Variants in ABRAXAS1 observed in about 807,000 individuals in gnomAD.
ABRAXAS1 encodes the protein BRCA1-A complex subunit Abraxas 1.
A neutral mutation model predicts 38.4 loss-of-function variants in ABRAXAS1; 26 were observed. The observed-to-expected ratio is 0.68, with a 90% CI of 0.50 to 0.94. The LOEUF is 0.94. Among genes scored for constraint, ABRAXAS1 ranks in the 40% least tolerant of loss-of-function variants. ABRAXAS1 has a pLI of 0.00. For synonymous variants in ABRAXAS1, 144 were observed against 165.5 expected (o/e 0.87, Z 1.00); for missense variants, 438 against 481.9 (o/e 0.91, Z 0.85).
chr4:83,477,084 GA>G (rs1211881373), intron 2 of ABRAXAS1, among the ~76,000 whole-genome samples: 4 of 152,210 alleles, frequency 2.6e-5, no homozygotes, highest in South Asian at 4.1e-4. Flanking sequence ...TTAAAATGAT[GA>G]AAATCTCCTT....
chr4:83,473,512 T>C (rs1202404253), intron 3 of ABRAXAS1, among the ~76,000 whole-genome samples: 1 of 152,012 alleles, frequency 6.6e-6, no homozygotes, highest in African/African-American at 2.4e-5. Context: ...GGGGGTGGCA[T>C]TTTATGTAGA....
rs199567861 is a variant in ABRAXAS1, at chr4:83,470,185, T to A, written c.476+18A>T. The A allele has an allele frequency of 7.4e-4, 1,182 of 1,590,134 alleles. 8 individuals are homozygous for A. Among genetic ancestry groups the A allele is most frequent in the Middle Eastern group, 1.7e-4 (1 of 5,946 alleles). On this transcript the variant is annotated intron_variant, in intron 5 of 8. Coordinates refer to ENST00000321945, the MANE Select transcript of ABRAXAS1 (RefSeq NM_139076.3). ...TTTTCTATTAGTTTAATACAGCCAG[T>A]GACTGGCCAACATTTACCCTTTTTG...
rs746347317 is a variant in ABRAXAS1 at position 83,469,052 on chromosome 4, G to A, written c.576C>T (p.Ser192=). ...VSGSCMSTGF[S]RAVQTHSSKF... ...CTTACCTGTGTGTTTGTACTGCTCG[G>A]CTAAAACCAGTGGACATACAGGAAC... The change falls in exon 6 of 9, where the codon AGC becomes AGT. Residue 192 remains serine (S), a synonymous_variant. Coordinates refer to ENST00000321945, the MANE Select transcript of ABRAXAS1 (RefSeq NM_139076.3). 5 of 1,613,072 alleles carry A rather than the reference G, an allele frequency of 3.1e-6. No individual in the cohort carries two copies. In the East Asian group the frequency reaches 1.1e-4, roughly 36 times the overall value.
At chr4:83,478,258 G>T in intron 2 of ABRAXAS1, 2 of 674,050 alleles carry the variant, frequency 3.0e-6, no homozygotes, top group South Asian at 2.7e-5. Context: ...GGGCAATCGT[G>T]GGACATGTGG....
intron 3 of ABRAXAS1, among the ~76,000 whole-genome samples, chr4:83,475,566 C>T (rs143261254): frequency 6.6e-6 from 1 of 152,140 alleles, no homozygotes; most frequent in African/African-American, 2.4e-5. Context: ...GCCTCAGCCT[C>T]CCCAGTAGCT....
chr4:83,481,250 AAAAT>A (rs1722991920), intron 2 of ABRAXAS1, among the ~76,000 whole-genome samples: 1 of 152,248 alleles, frequency 6.6e-6, no homozygotes, highest in Admixed American at 6.5e-5. Flanking sequence ...ATTTTGTTTA[AAAAT>A]ACATACACAT....
chr4:83,467,859 A>AC (rs539876556), intron 6 of ABRAXAS1, among the ~76,000 whole-genome samples: 129 of 152,302 alleles, frequency 8.5e-4, no homozygotes, highest in African/African-American at 2.8e-3. Flanking sequence ...GGCAATGGGA[A>AC]CCGGAGTCAA....
At position 83,462,089 on chromosome 4, in the gene ABRAXAS1, C is replaced by T. The variant is rs1722138904; in HGVS notation, c.*380G>A. The T allele has an allele frequency of 8.4e-6, 2 of 238,366 alleles. No individual in the cohort carries two copies. 14.8% of individuals were successfully genotyped at this position (238,366 alleles called of 1,614,324 possible). A position where few individuals can be genotyped will look rare whatever the true frequency, so the allele number is the denominator to read the frequency against. On this transcript the variant is annotated 3_prime_UTR_variant, in exon 9 of 9. Coordinates refer to ENST00000321945, the MANE Select transcript of ABRAXAS1 (RefSeq NM_139076.3). ...TTTTATTTTTTAATAGACATGGTCT[C>T]AATACGTTGCCCAGGCTGGTCTCTA...
At chr4:83,473,865 G>C (rs1722672657) in intron 3 of ABRAXAS1, among the ~76,000 whole-genome samples, 1 of 151,478 alleles carries the variant, frequency 6.6e-6, no homozygotes, top group African/African-American at 2.4e-5. Context: ...GGGCACAGTG[G>C]CTCACGCCTT....
In ABRAXAS1 at chr4:83,461,695, A is replaced by G. The variant is rs1722124892; in HGVS notation, c.*774T>C. 4.1e-6 allele frequency: 1 copy of G among 245,564 alleles called. No homozygotes were observed. Among genetic ancestry groups the G allele is most frequent in the Admixed American group, 4.9e-5 (1 of 20,498 alleles). 15.2% of individuals were successfully genotyped at this position (245,564 alleles called of 1,614,324 possible). A position where few individuals can be genotyped will look rare whatever the true frequency, so the allele number is the denominator to read the frequency against. ...ATGATAGACATACATGTATATATGTATCAGTTCTGAGTTCCACTGGCCTAT... is the reference window on the plus strand; with the variant it reads ...ATGATAGACATACATGTATATATGTGTCAGTTCTGAGTTCCACTGGCCTAT... On this transcript the variant is annotated 3_prime_UTR_variant, in exon 9 of 9. Coordinates refer to ENST00000321945, the MANE Select transcript of ABRAXAS1 (RefSeq NM_139076.3).
At chr4:83,470,863 C>T (rs1428286901) in intron 4 of ABRAXAS1, among the ~76,000 whole-genome samples, 2 of 152,158 alleles carry the variant, frequency 1.3e-5, no homozygotes, top group Admixed American at 1.3e-4. Context: ...ATATCACCTA[C>T]CCGACAAACT....
intron 1 of ABRAXAS1, among the ~76,000 whole-genome samples, 200 bp from the exon 2 acceptor site, chr4:83,482,444 C>T (rs1477727252): frequency 6.6e-6 from 1 of 152,238 alleles, no homozygotes; most frequent in Admixed American, 6.5e-5. Flanking sequence ...GGCAAGATGG[C>T]TCACGCCTGT....
intron 2 of ABRAXAS1, 78 bp from the exon 3 acceptor site, chr4:83,476,757 C>A: frequency 1.1e-6 from 1 of 913,720 alleles, no homozygotes; most frequent in Non-Finnish European, 1.8e-6. Context: ...TGAGCCTTTA[C>A]CTCACGCCAG....
At chr4:83,462,927 A>T in intron 8 of ABRAXAS1, 25 bp from the exon 9 acceptor site, 1 of 1,414,710 alleles carries the variant, frequency 7.1e-7, no homozygotes, top group Non-Finnish European at 9.6e-7. Context: ...ATAACAGTTC[A>T]ACATATAACA....
chr4:83,469,223 T>G (rs565958447), intron 5 of ABRAXAS1, 72 bp from the exon 6 acceptor site: 1 of 1,329,058 alleles, frequency 7.5e-7, no homozygotes, highest in Non-Finnish European at 1.1e-6. Flanking sequence ...CTGGAATAGA[T>G]TACTTGTCCC....
chr4:83,469,291 T>G, intron 5 of ABRAXAS1, 140 bp from the exon 6 acceptor site: 1 of 686,180 alleles, frequency 1.5e-6, no homozygotes, highest in South Asian at 2.0e-5. Flanking sequence ...TTATCCAAAA[T>G]AGAATTTACT....
At chr4:83,467,344 A>C (rs1051531882) in intron 7 of ABRAXAS1, 110 bp downstream of exon 7, 23 of 700,512 alleles carry the variant, frequency 3.3e-5, no homozygotes, top group Non-Finnish European at 4.8e-5. Context: ...TAAGCAACTC[A>C]TAACTGTATA....
At chr4:83,469,320 T>TC (rs1326810572) in intron 5 of ABRAXAS1, 169 bp from the exon 6 acceptor site, 2 of 594,920 alleles carry the variant, frequency 3.4e-6, no homozygotes, top group Non-Finnish European at 5.8e-6. Flanking sequence ...ACAACTGTTT[T>TC]TTTTTTTTTT....
intron 7 of ABRAXAS1, among the ~76,000 whole-genome samples, chr4:83,465,712 C>T (rs149578906): frequency 2.0e-4 from 30 of 152,168 alleles, no homozygotes; most frequent in African/African-American, 7.0e-4. Context: ...CACTTGAGCC[C>T]AAGAGGTGGT....
Sources: gnomAD v4.1 joint callset for allele counts (sites outside exome capture counted in the v4.1 genomes callset) on GRCh38, gnomAD v4.1.1 for gene constraint, MANE v1.5 for transcripts, NCBI Gene and HGNC (gene_info 2026-07-23, HGNC 2026-07-21) for gene names.